The following MATCAP2 variants were observed in gnomAD, a reference collection of about 807,000 sequenced individuals.
The protein encoded by MATCAP2 is microtubule associated tyrosine carboxypeptidase 2.
At chr7:36,334,210 T>A in the MATCAP2 span, 2 of 1,456,628 alleles carry the variant, frequency 1.4e-6, no homozygotes, top group Non-Finnish European at 1.9e-6. Context: ...CATTCTTGTT[T>A]TAATTCTTCC....
chr7:36,367,180 T>G, the MATCAP2 span: 3 of 1,193,162 alleles, frequency 2.5e-6, no homozygotes, highest in Middle Eastern at 3.3e-4. Context: ...GGCCTTACGG[T>G]GCCCAGCAGC....
At chr7:36,342,032 T>G in the MATCAP2 span, among the ~76,000 whole-genome samples, 5 of 152,222 alleles carry the variant, frequency 3.3e-5, no homozygotes, top group Non-Finnish European at 5.9e-5. Flanking sequence ...CTTTCAACTT[T>G]TGTTTTTAGC....
the MATCAP2 span, among the ~76,000 whole-genome samples, chr7:36,348,347 C>T: frequency 2.6e-5 from 4 of 152,184 alleles, no homozygotes; most frequent in African/African-American, 9.7e-5. Context: ...GGTAGTCACA[C>T]ACTAAAATCC....
chr7:36,385,330 C>G, the MATCAP2 span, among the ~76,000 whole-genome samples: 101 of 152,184 alleles, frequency 6.6e-4, 1 homozygote, highest in African/African-American at 2.3e-3. Context: ...GAGAATCTGA[C>G]CCTAAAATTC....
chr7:36,367,329 A>G, the MATCAP2 span: 1 of 1,002,274 alleles, frequency 1.0e-6, no homozygotes, highest in South Asian at 4.7e-5. Context: ...GCGGCGAGAG[A>G]GAGTGGGAGG....
At chr7:36,328,427 C>T in the MATCAP2 span, among the ~76,000 whole-genome samples, 1 of 152,006 alleles carries the variant, frequency 6.6e-6, no homozygotes, top group Non-Finnish European at 1.5e-5. Flanking sequence ...AATACTCTTC[C>T]AGGCTCAGTA....
the MATCAP2 span, among the ~76,000 whole-genome samples, chr7:36,360,876 G>A: frequency 6.6e-6 from 1 of 152,082 alleles, no homozygotes; most frequent in Non-Finnish European, 1.5e-5. Context: ...AGTGTAACTC[G>A]TGTTTTCCCA....
the MATCAP2 span, chr7:36,356,072 T>C: frequency 6.6e-6 from 1 of 152,230 alleles, no homozygotes; most frequent in African/African-American, 2.4e-5. Context: ...ATTTATTTGA[T>C]GATGATTAAC....
At chr7:36,385,455 A>G in the MATCAP2 span, among the ~76,000 whole-genome samples, 1 of 152,212 alleles carries the variant, frequency 6.6e-6, no homozygotes, top group African/African-American at 2.4e-5. Context: ...ATAGACCAGT[A>G]GAACAGAATA....
chr7:36,326,891 T>G, the MATCAP2 span: 1 of 1,613,016 alleles, frequency 6.2e-7, no homozygotes, highest in Non-Finnish European at 8.5e-7. Context: ...GCCAATCCTT[T>G]TAAGCGATCC....
chr7:36,387,583 G>A, the MATCAP2 span, among the ~76,000 whole-genome samples: 4 of 152,234 alleles, frequency 2.6e-5, no homozygotes, highest in African/African-American at 7.2e-5. Flanking sequence ...AATATCTACC[G>A]TAGTTTCTGG....
chr7:36,354,109 G>A, the MATCAP2 span, among the ~76,000 whole-genome samples: 62,256 of 151,952 alleles, frequency 0.41, 13,267 homozygotes, highest in African/African-American at 0.49. Flanking sequence ...AAGTTTAAAC[G>A]TCTCTAAGAG....
chr7:36,324,650 A>G, the MATCAP2 span: 1 of 152,236 alleles, frequency 6.6e-6, no homozygotes, highest in South Asian at 2.1e-4. Flanking sequence ...TTAAATATTC[A>G]ATCTCAACTT....
chr7:36,363,842 T>C, the MATCAP2 span, among the ~76,000 whole-genome samples: 3 of 152,368 alleles, frequency 2.0e-5, no homozygotes, highest in East Asian at 5.8e-4. Flanking sequence ...AGTGCTGGAC[T>C]ATAGGTAAGC....
the MATCAP2 span, among the ~76,000 whole-genome samples, chr7:36,339,756 ACC>A: frequency 6.6e-6 from 1 of 152,238 alleles, no homozygotes; most frequent in African/African-American, 2.4e-5. Context: ...GAGAAGTGGT[ACC>A]TTGTATTAAT....
chr7:36,373,845 C>T, the MATCAP2 span, among the ~76,000 whole-genome samples: 4 of 151,654 alleles, frequency 2.6e-5, no homozygotes, highest in African/African-American at 9.7e-5. Flanking sequence ...AGTGCAGTGG[C>T]ACGATCTCAG....
chr7:36,346,261 T>G, the MATCAP2 span, among the ~76,000 whole-genome samples: 1 of 152,156 alleles, frequency 6.6e-6, no homozygotes, highest in African/African-American at 2.4e-5. Flanking sequence ...AGAAATTATA[T>G]GTACTAACAA....
chr7:36,332,427 C>T, the MATCAP2 span, among the ~76,000 whole-genome samples: 1 of 152,152 alleles, frequency 6.6e-6, no homozygotes, highest in Non-Finnish European at 1.5e-5. Flanking sequence ...TATCTGAAAT[C>T]CCGCCTGGAA....
chr7:36,335,385 T>G, the MATCAP2 span, among the ~76,000 whole-genome samples: 17 of 152,282 alleles, frequency 1.1e-4, no homozygotes, highest in South Asian at 3.5e-3. Context: ...GAACCTTCCA[T>G]GAGTTTAAGG....
Sources: allele counts gnomAD v4.1 joint callset (sites outside exome capture counted in the v4.1 genomes callset), GRCh38; gene constraint gnomAD v4.1.1; transcripts MANE v1.5; gene names NCBI Gene and HGNC (gene_info 2026-07-23, HGNC 2026-07-21).